MAP4K3: variants seen among roughly 807,000 people sequenced by gnomAD.
The protein encoded by MAP4K3 is MAPK/ERK kinase kinase kinase 3.
Under a neutral mutation model 143.5 loss-of-function variants are expected in MAP4K3, and 94 were observed. That is an observed-to-expected ratio of 0.65 (90% CI 0.55 to 0.78). The LOEUF (loss-of-function observed/expected upper bound fraction) is 0.78, where lower values mean the gene tolerates loss of function less well. MAP4K3 is among the 30% of genes least tolerant of loss of function. The pLI, the probability that MAP4K3 is intolerant of heterozygous loss-of-function variation, is 0.00. For missense variants in MAP4K3, 1,077 were observed against 1,068.1 expected, an observed-to-expected ratio of 1.01 and a Z score of -0.12; for synonymous variants, 416 against 347.2, an observed-to-expected ratio of 1.20 and a Z score of -2.20.
At chr2:39,276,563 C>G (rs1476327500) in intron 24 of MAP4K3, among the ~76,000 whole-genome samples, 1 of 152,190 alleles carries the variant, frequency 6.6e-6, no homozygotes, top group Admixed American at 6.5e-5. Context: ...GAGTCTTTGG[C>G]AAGTTACTAA....
At chr2:39,338,380 T>C (rs997761408) in intron 4 of MAP4K3, among the ~76,000 whole-genome samples, 2 of 152,196 alleles carry the variant, frequency 1.3e-5, no homozygotes, top group African/African-American at 4.8e-5. Flanking sequence ...AATTAATACA[T>C]GTTCACTCTA....
chr2:39,430,713 C>A (rs1019648873), intron 1 of MAP4K3, among the ~76,000 whole-genome samples: 1 of 152,244 alleles, frequency 6.6e-6, no homozygotes, highest in Non-Finnish European at 1.5e-5. Context: ...TTCAAAATGA[C>A]GGAGTATCTT....
At chr2:39,331,084 A>G (rs1683667993) in intron 8 of MAP4K3, among the ~76,000 whole-genome samples, 1 of 152,190 alleles carries the variant, frequency 6.6e-6, no homozygotes, top group Non-Finnish European at 1.5e-5. Flanking sequence ...AATGGTATAT[A>G]CATCATATTC....
intron 4 of MAP4K3, among the ~76,000 whole-genome samples, chr2:39,339,028 A>C (rs1199824200): frequency 1.3e-5 from 2 of 152,362 alleles, no homozygotes; most frequent in East Asian, 3.9e-4. Context: ...TCACTATTAA[A>C]TCACTTTAGA....
chr2:39,285,831 T>A (rs1456098633), intron 21 of MAP4K3, among the ~76,000 whole-genome samples: 1 of 152,240 alleles, frequency 6.6e-6, no homozygotes, highest in African/African-American at 2.4e-5. Flanking sequence ...TTTTAAGGAT[T>A]TTCTACTATT....
intron 28 of MAP4K3, among the ~76,000 whole-genome samples, chr2:39,264,419 C>T (rs920783389): frequency 6.6e-6 from 1 of 152,066 alleles, no homozygotes; most frequent in Non-Finnish European, 1.5e-5. Context: ...GATATGAAAA[C>T]GAAAACTAGA....
chr2:39,394,847 C>A (rs912526369), intron 1 of MAP4K3, among the ~76,000 whole-genome samples: 9 of 152,116 alleles, frequency 5.9e-5, no homozygotes, highest in Non-Finnish European at 2.9e-5. Context: ...CACCCTTTGT[C>A]AGTGCTATAT....
chr2:39,337,639 T>C (rs1354517939), intron 4 of MAP4K3, 58 bp from the exon 5 acceptor site: 27 of 1,174,976 alleles, frequency 2.3e-5, no homozygotes, highest in Non-Finnish European at 3.2e-5. Flanking sequence ...TTTCAATATA[T>C]AATAAAGTTT....
At chr2:39,356,095 G>T (rs1665603586) in intron 3 of MAP4K3, 154 bp downstream of exon 3, 1 of 564,466 alleles carries the variant, frequency 1.8e-6, no homozygotes. Flanking sequence ...AATTAACATA[G>T]GTCCTAAGTA....
At chr2:39,377,044 C>CA (rs1666237422) in intron 2 of MAP4K3, among the ~76,000 whole-genome samples, 1 of 151,954 alleles carries the variant, frequency 6.6e-6, no homozygotes, top group Non-Finnish European at 1.5e-5. Flanking sequence ...GGTTTGATCA[C>CA]AGTCAATCAG....
At chr2:39,270,900 A>G (rs1680992057) in intron 26 of MAP4K3, among the ~76,000 whole-genome samples, 1 of 152,166 alleles carries the variant, frequency 6.6e-6, no homozygotes, top group South Asian at 2.1e-4. Context: ...AAAAGATTTT[A>G]CAGTAATTAC....
At chr2:39,413,709 G>C (rs1391149195) in intron 1 of MAP4K3, among the ~76,000 whole-genome samples, 1 of 140,054 alleles carries the variant, frequency 7.1e-6, no homozygotes. Flanking sequence ...TGTATCACCA[G>C]ACAGGGGAGT....
chr2:39,390,922 C>T (rs1324120264), intron 1 of MAP4K3, among the ~76,000 whole-genome samples: 1 of 152,168 alleles, frequency 6.6e-6, no homozygotes, highest in Non-Finnish European at 1.5e-5. Context: ...TTCTGACCGA[C>T]ATACATCTCT....
At chr2:39,317,760 T>C (rs932615843) in intron 12 of MAP4K3, among the ~76,000 whole-genome samples, 4 of 152,038 alleles carry the variant, frequency 2.6e-5, no homozygotes, top group African/African-American at 7.2e-5. Context: ...AAATAACAGA[T>C]TATGGCAAGG....
chr2:39,307,892 C>A, intron 15 of MAP4K3, 51 bp downstream of exon 15: 1 of 1,369,112 alleles, frequency 7.3e-7, no homozygotes, highest in Non-Finnish European at 9.9e-7. Context: ...TAAAAGAAAA[C>A]AATTAAGACT....
intron 16 of MAP4K3, 61 bp from the exon 17 acceptor site, chr2:39,293,329 G>T: frequency 9.4e-7 from 1 of 1,060,092 alleles, no homozygotes; most frequent in Non-Finnish European, 1.4e-6. Flanking sequence ...AATATCGAAT[G>T]TGTTTTTATC....
chr2:39,429,021 C>T (rs1218960686), intron 1 of MAP4K3, among the ~76,000 whole-genome samples: 4 of 142,178 alleles, frequency 2.8e-5, no homozygotes, highest in East Asian at 2.2e-4. Flanking sequence ...CCCGAAATAG[C>T]GCCACTGCAC....
intron 2 of MAP4K3, among the ~76,000 whole-genome samples, chr2:39,370,684 T>C (rs931185566): frequency 3.3e-5 from 5 of 152,170 alleles, no homozygotes; most frequent in Admixed American, 1.3e-4. Flanking sequence ...CACTACAAGT[T>C]TCTCTGTTTA....
chr2:39,398,337 T>C (rs1227989891), intron 1 of MAP4K3, among the ~76,000 whole-genome samples: 4 of 151,914 alleles, frequency 2.6e-5, no homozygotes, highest in African/African-American at 2.4e-5. Flanking sequence ...ATATACTGAC[T>C]GATATAACGA....
Sources: gnomAD v4.1 joint callset for allele counts (sites outside exome capture counted in the v4.1 genomes callset) on GRCh38, gnomAD v4.1.1 for gene constraint, MANE v1.5 for transcripts, NCBI Gene and HGNC (gene_info 2026-07-23, HGNC 2026-07-21) for gene names.